TMEM178A: variants seen among roughly 807,000 people sequenced by gnomAD.
The protein encoded by TMEM178A is transmembrane protein 178.
Under a neutral mutation model 29.1 loss-of-function variants are expected in TMEM178A, and 12 were observed. The observed-to-expected ratio is 0.41, with a 90% CI of 0.26 to 0.67. The LOEUF (loss-of-function observed/expected upper bound fraction) is 0.67, where lower values mean the gene tolerates loss of function less well. TMEM178A is among the 30% of genes least tolerant of loss of function. The pLI, the probability that TMEM178A is intolerant of heterozygous loss-of-function variation, is 0.29. For synonymous variants in TMEM178A, 210 were observed against 187.2 expected, an observed-to-expected ratio of 1.12 and a Z score of -0.99; for missense variants, 366 against 419.1, an observed-to-expected ratio of 0.87 and a Z score of 1.11.
chr2:39,712,334 A>G (rs911783656), intron 3 of TMEM178A, among the ~76,000 whole-genome samples: 1 of 152,158 alleles, frequency 6.6e-6, no homozygotes, highest in Non-Finnish European at 1.5e-5. Context: ...TTTTAAGCAC[A>G]TTAAAAAACG....
the TMEM178A span, among the ~76,000 whole-genome samples, chr2:39,732,544 G>A: frequency 6.6e-6 from 1 of 152,202 alleles, no homozygotes; most frequent in African/African-American, 2.4e-5. Flanking sequence ...GTCACCTAGT[G>A]TCCCATGGTC....
chr2:39,686,332 A>T (rs1277934689), intron 1 of TMEM178A, among the ~76,000 whole-genome samples: 1 of 152,170 alleles, frequency 6.6e-6, no homozygotes, highest in Non-Finnish European at 1.5e-5. Context: ...GGCACAACAG[A>T]AGTGTTCTGG....
At chr2:39,718,843 A>AG (rs1672643883), downstream of TMEM178A, among the ~76,000 whole-genome samples, 1 of 152,228 alleles carries the variant, frequency 6.6e-6, no homozygotes, top group African/African-American at 2.4e-5. Flanking sequence ...CACACAATGT[A>AG]GGATAAAGAC....
chr2:39,731,939 C>T, the TMEM178A span, among the ~76,000 whole-genome samples: 1 of 152,200 alleles, frequency 6.6e-6, no homozygotes, highest in African/African-American at 2.4e-5. Context: ...ACCTCCTACA[C>T]AGTATGGCCT....
intron 1 of TMEM178A, among the ~76,000 whole-genome samples, chr2:39,702,796 C>G (rs1476756512): frequency 6.6e-6 from 1 of 151,904 alleles, no homozygotes; most frequent in Non-Finnish European, 1.5e-5. Context: ...AAGGGAGATT[C>G]AGAGACTACC....
Position 39,707,114 on chromosome 2 carries a change from G to T in TMEM178A, c.580G>T (p.Val194Leu). 1 of 1,614,204 alleles carries T rather than the reference G, an allele frequency of 6.2e-7. No individual in the cohort carries two copies. Among genetic ancestry groups the T allele is most frequent in the East Asian group, 2.2e-5 (1 of 44,880 alleles). The change falls in exon 3 of 4, where the codon GTG becomes TTG. Residue 194 changes from valine to leucine, a missense_variant. By Grantham distance (32) the Val-to-Leu change is conservative (BLOSUM62 1). This residue lies in a region of TMEM178A where 119 missense variants were observed against 172.2 expected (regional missense o/e 0.69). Transcript: ENST00000281961. ...AGCCGTCCTTCTCTGCGGCTGCATT[G>T]TGGCCACAGTCAGTTTCTTCTGGGA... Reference protein sequence around the residue: ...AVAVLLCGCIVATVSFFWEES... With the variant: ...AVAVLLCGCILATVSFFWEES...
intron 1 of TMEM178A, among the ~76,000 whole-genome samples, chr2:39,672,336 G>T (rs1007171952): frequency 6.6e-6 from 1 of 152,158 alleles, no homozygotes; most frequent in Non-Finnish European, 1.5e-5. Context: ...ATGTTTCATG[G>T]ATAACATTTA....
intron 1 of TMEM178A, among the ~76,000 whole-genome samples, chr2:39,690,663 C>A (rs1006996527): frequency 6.6e-6 from 1 of 152,168 alleles, no homozygotes; most frequent in Non-Finnish European, 1.5e-5. Flanking sequence ...AACAGCAACA[C>A]AAGCCTTCAA....
At chr2:39,689,640 G>C (rs1671228156) in intron 1 of TMEM178A, among the ~76,000 whole-genome samples, 1 of 152,158 alleles carries the variant, frequency 6.6e-6, no homozygotes, top group African/African-American at 2.4e-5. Context: ...CTCTGGAGCT[G>C]GATGGTGGTG....
intron 3 of TMEM178A, among the ~76,000 whole-genome samples, chr2:39,711,067 C>T (rs1401013953): frequency 6.6e-6 from 1 of 152,164 alleles, no homozygotes; most frequent in Non-Finnish European, 1.5e-5. Context: ...CCAGGGGCAG[C>T]CTGCACATCT....
chr2:39,734,493 T>C, the TMEM178A span, among the ~76,000 whole-genome samples: 2,102 of 152,344 alleles, frequency 0.014, 39 homozygotes, highest in South Asian at 0.053. Flanking sequence ...CCATCCAGTT[T>C]CATGCCACCT....
chr2:39,726,349 T>C, the TMEM178A span, among the ~76,000 whole-genome samples: 1,285 of 152,194 alleles, frequency 8.4e-3, 18 homozygotes, highest in African/African-American at 0.03. Flanking sequence ...GAAGGGTAGA[T>C]AGCAGGTGCA....
intron 2 of TMEM178A, among the ~76,000 whole-genome samples, chr2:39,705,454 C>T (rs1671983174): frequency 6.6e-6 from 1 of 152,158 alleles, no homozygotes; most frequent in East Asian, 1.9e-4. Context: ...GGTGACTGAA[C>T]CATACTACAT....
intron 3 of TMEM178A, 117 bp from the exon 4 acceptor site, chr2:39,716,893 T>C: frequency 8.0e-7 from 1 of 1,254,150 alleles, no homozygotes; most frequent in Non-Finnish European, 1.1e-6. Context: ...GGATCATTTG[T>C]GAATTTGGAG....
At chr2:39,708,993 G>A (rs184663765) in intron 3 of TMEM178A, among the ~76,000 whole-genome samples, 52 of 152,286 alleles carry the variant, frequency 3.4e-4, no homozygotes, top group African/African-American at 1.2e-3. Context: ...GAGATAGATA[G>A]CCATTTTAAA....
chr2:39,689,010 A>G (rs1007434988), intron 1 of TMEM178A, among the ~76,000 whole-genome samples: 5 of 152,210 alleles, frequency 3.3e-5, no homozygotes, highest in Admixed American at 3.3e-4. Flanking sequence ...GCCCTTGTCT[A>G]TATTTTCATA....
chr2:39,691,579 G>A (rs1363097533), intron 1 of TMEM178A, among the ~76,000 whole-genome samples: 2 of 152,168 alleles, frequency 1.3e-5, no homozygotes, highest in South Asian at 2.1e-4. Context: ...CAATATGGAG[G>A]TTCCTTAAAG....
Position 39,717,441 on chromosome 2 carries a change from C to CA in TMEM178A, c.*190_*191insA. 1 of 712,038 alleles carries CA rather than the reference C, an allele frequency of 1.4e-6. No individual in the cohort carries two copies. The highest frequency in any genetic ancestry group is 2.2e-6 in the Non-Finnish European group (1 of 462,578). 44.1% of individuals were successfully genotyped at this position (712,038 alleles called of 1,614,324 possible). ...GACAAGACTACTGTGGATTCAAGTG[C>CA]TTTAATGACTATTTATGCGTTGACT... On this transcript the variant is annotated 3_prime_UTR_variant, in exon 4 of 4. Coordinates refer to ENST00000281961, the MANE Select transcript of TMEM178A (RefSeq NM_152390.3).
At chr2:39,727,284 A>G in the TMEM178A span, among the ~76,000 whole-genome samples, 1 of 152,178 alleles carries the variant, frequency 6.6e-6, no homozygotes, top group Non-Finnish European at 1.5e-5. Context: ...TGGAGCAAGT[A>G]CTCACTAACT....
Sources: gnomAD v4.1 joint callset for allele counts (sites outside exome capture counted in the v4.1 genomes callset) on GRCh38, gnomAD v4.1.1 for gene constraint, gnomAD v4.1.1 regional missense constraint, MANE v1.5 for transcripts, NCBI Gene and HGNC (gene_info 2026-07-23, HGNC 2026-07-21) for gene names.